Variants in LAMC2 observed in about 807,000 individuals in gnomAD.
The protein encoded by LAMC2 is laminin subunit gamma-2.
In LAMC2, 97 loss-of-function variants were observed where a neutral mutation model predicts 140.2. The ratio of observed to expected loss-of-function variants is 0.69; its 90% CI spans 0.59 to 0.82. The LOEUF is 0.82. LAMC2 is among the 40% of genes least tolerant of loss of function. The pLI, the probability that LAMC2 is intolerant of heterozygous loss-of-function variation, is 0.00. For synonymous variants in LAMC2, 513 were observed against 540.2 expected (o/e 0.95, Z 0.70); for missense variants, 1,402 against 1,476.1 (o/e 0.95, Z 0.82).
intron 1 of LAMC2, among the ~76,000 whole-genome samples, chr1:183,201,489 C>T (rs934327233): frequency 6.6e-6 from 1 of 152,190 alleles, no homozygotes; most frequent in African/African-American, 2.4e-5. Context: ...TCCATTTCCC[C>T]ATAACAGCCA....
chr1:183,222,580 G>A (rs1443953206), intron 6 of LAMC2, among the ~76,000 whole-genome samples: 1 of 144,548 alleles, frequency 6.9e-6, no homozygotes, highest in Non-Finnish European at 1.5e-5. Flanking sequence ...TCAAATACCT[G>A]TAAGTTAAAA....
intron 1 of LAMC2, among the ~76,000 whole-genome samples, chr1:183,193,597 G>A (rs1372032312): frequency 1.3e-5 from 2 of 152,126 alleles, no homozygotes; most frequent in African/African-American, 2.4e-5. Flanking sequence ...TTTAAAAATC[G>A]TTTTTCATCC....
intron 12 of LAMC2, 53 bp downstream of exon 12, chr1:183,231,156 T>TGTC (rs1014089849): frequency 5.6e-5 from 90 of 1,605,940 alleles, no homozygotes; most frequent in Middle Eastern, 1.7e-4. Flanking sequence ...AATCCTTAAG[T>TGTC]GTCCACTGGG....
chr1:183,225,116 G>A (rs777544733), intron 7 of LAMC2, among the ~76,000 whole-genome samples: 89 of 152,174 alleles, frequency 5.8e-4, no homozygotes, highest in Non-Finnish European at 1.2e-3. Flanking sequence ...ATGTTACAGT[G>A]AGCCAAAATG....
chr1:183,198,885 G>A (rs145474901), intron 1 of LAMC2, among the ~76,000 whole-genome samples: 21 of 152,254 alleles, frequency 1.4e-4, no homozygotes, highest in African/African-American at 5.1e-4. Context: ...GAAAGTCCCA[G>A]ACCCTTAATC....
intron 4 of LAMC2, among the ~76,000 whole-genome samples, chr1:183,219,097 C>A (rs1659382624): frequency 6.6e-6 from 1 of 152,218 alleles, no homozygotes; most frequent in African/African-American, 2.4e-5. Context: ...GCCTTAAGTA[C>A]AACTGTGCTC....
At chr1:183,237,707 C>T (rs112459274) in intron 18 of LAMC2, among the ~76,000 whole-genome samples, 100 of 152,076 alleles carry the variant, frequency 6.6e-4, no homozygotes, top group African/African-American at 2.4e-3. Context: ...AGTGAGGCCC[C>T]CATCTCTACA....
intron 1 of LAMC2, among the ~76,000 whole-genome samples, chr1:183,189,570 T>C (rs1231566695): frequency 1.3e-5 from 2 of 152,050 alleles, no homozygotes; most frequent in Admixed American, 6.6e-5. Flanking sequence ...GATATAAATT[T>C]GGGGGCCCAG....
At chr1:183,239,307 A>T in intron 19 of LAMC2, 57 bp from the exon 20 acceptor site, 1 of 1,467,974 alleles carries the variant, frequency 6.8e-7, no homozygotes, top group Non-Finnish European at 9.6e-7. Context: ...AGCCCCTTTC[A>T]CTCATTTGTA....
intron 2 of LAMC2, among the ~76,000 whole-genome samples, chr1:183,211,605 G>T (rs913298938): frequency 6.6e-6 from 1 of 152,106 alleles, no homozygotes; most frequent in African/African-American, 2.4e-5. Context: ...CAAACTCCTG[G>T]GCTCAAGCAG....
intron 2 of LAMC2, among the ~76,000 whole-genome samples, chr1:183,208,983 G>GTTT (rs78166475): frequency 8.7e-4 from 113 of 129,960 alleles, no homozygotes; most frequent in East Asian, 2.7e-3. Flanking sequence ...CTGGCTAGTT[G>GTTT]TTTTTTTTTT....
intron 7 of LAMC2, among the ~76,000 whole-genome samples, chr1:183,224,312 T>A (rs758864387): frequency 7.9e-5 from 12 of 152,222 alleles, no homozygotes; most frequent in Non-Finnish European, 1.6e-4. Context: ...ACAGCATGCA[T>A]AAGGAAGATG....
intron 3 of LAMC2, 90 bp from the exon 4 acceptor site, chr1:183,218,300 T>G: frequency 1.9e-6 from 2 of 1,028,802 alleles, no homozygotes; most frequent in Non-Finnish European, 1.5e-6. Context: ...CCCAGCTTCG[T>G]GATGTTTGCT....
chr1:183,233,880 C>CT (rs888309296), intron 14 of LAMC2, among the ~76,000 whole-genome samples: 5 of 142,692 alleles, frequency 3.5e-5, no homozygotes, highest in African/African-American at 1.0e-4. Context: ...TCTATACATA[C>CT]TTTTTTTTTC....
chr1:183,250,114 G>A (rs2102266560), downstream of LAMC2: 1 of 152,248 alleles, frequency 6.6e-6, no homozygotes, highest in Middle Eastern at 3.4e-3. Flanking sequence ...ATAACTCCAA[G>A]TCCTTAAACA....
chr1:183,197,685 A>T lies in LAMC2; in HGVS notation c.80-10196A>T, dbSNP rs1658565140. On this transcript the variant is annotated intron_variant, in intron 1 of 22. Transcript: ENST00000264144. ...AGCGAGACTCCGTCTCAAAAAAAAA[A>T]AAAAAGTAAAAGTAATAAGTAAATA... Among the ~76,000 whole-genome samples the T allele has an allele frequency of 1.3e-5, 2 of 152,286 alleles. 1 individual carries two copies. The highest frequency in any genetic ancestry group is 3.9e-4 in the East Asian group (2 of 5,188).
At position 183,237,472 on chromosome 1, in the gene LAMC2, C is replaced by G; in HGVS notation, c.2722C>G (p.Gln908Glu). The G allele has an allele frequency of 6.2e-7, 1 of 1,614,130 alleles. No homozygotes were observed. Among genetic ancestry groups the G allele is most frequent in the Non-Finnish European group, 8.5e-7 (1 of 1,179,968 alleles). The change falls in exon 18 of 23, where the codon CAG becomes GAG. Residue 908 changes from glutamine (Q) to glutamate (E), a missense_variant. Gln to Glu is a conservative substitution (Grantham distance 29). Transcript: ENST00000264144. ...GGGAAACTGGAAAGAAGAAGCACAG[C>G]AGCTCTTACAGAATGGAAAAAGTGG... ...NLGNWKEEAQ[Q>E]LLQNGKSGRE...
intron 17 of LAMC2, among the ~76,000 whole-genome samples, chr1:183,236,812 C>T (rs763019837): frequency 6.6e-6 from 1 of 152,154 alleles, no homozygotes; most frequent in African/African-American, 2.4e-5. Flanking sequence ...TTGACCCATG[C>T]TAAACCTATT....
At chr1:183,225,417 G>A (rs150642380) in intron 7 of LAMC2, among the ~76,000 whole-genome samples, 191 bp from the exon 8 acceptor site, 1 of 152,220 alleles carries the variant, frequency 6.6e-6, no homozygotes, top group African/African-American at 2.4e-5. Flanking sequence ...CTTCCTCTGG[G>A]GTTTGTCCTC....
Sources: allele counts gnomAD v4.1 joint callset (sites outside exome capture counted in the v4.1 genomes callset), GRCh38; gene constraint gnomAD v4.1.1; transcripts MANE v1.5; gene names NCBI Gene and HGNC (gene_info 2026-07-23, HGNC 2026-07-21).